Variants in CLSTN2 observed in about 807,000 individuals in gnomAD.
The protein encoded by CLSTN2 is calsyntenin 2.
A neutral mutation model predicts 101.2 loss-of-function variants in CLSTN2; 48 were observed. The observed-to-expected ratio is 0.47, with a 90% CI of 0.38 to 0.60. The LOEUF (loss-of-function observed/expected upper bound fraction) is 0.60. Ranked by LOEUF, CLSTN2 falls within the 20% of genes least tolerant of loss-of-function variation. CLSTN2 has a pLI of 0.00. For synonymous variants in CLSTN2, 481 were observed against 463.6 expected (o/e 1.04, Z -0.48); for missense variants, 1,160 against 1,238.2 (o/e 0.94, Z 0.95).
intron 8 of CLSTN2, among the ~76,000 whole-genome samples, chr3:140,500,968 A>G (rs995296654): frequency 6.6e-6 from 1 of 152,196 alleles, no homozygotes; most frequent in African/African-American, 2.4e-5. Context: ...AATAATTTAA[A>G]TCATTATGAT....
At chr3:140,344,296 G>T (rs747303792) in intron 2 of CLSTN2, among the ~76,000 whole-genome samples, 32 of 152,146 alleles carry the variant, frequency 2.1e-4, no homozygotes, top group Non-Finnish European at 1.9e-4. Context: ...ATGCTGTCAT[G>T]GCAAAATGGA....
chr3:139,969,633 A>G (rs913089298), intron 1 of CLSTN2, among the ~76,000 whole-genome samples: 1 of 151,964 alleles, frequency 6.6e-6, no homozygotes, highest in African/African-American at 2.4e-5. Context: ...CAAAACACCA[A>G]CCCAACTGCG....
At chr3:140,135,117 C>CACACACATATATATATATAT (rs1488268767) in intron 1 of CLSTN2, among the ~76,000 whole-genome samples, 2 of 58,120 alleles carry the variant, frequency 3.4e-5, no homozygotes, top group Admixed American at 2.0e-4. Context: ...CACACACACA[C>CACACACATATATATATATAT]ATATATATAT....
intron 1 of CLSTN2, among the ~76,000 whole-genome samples, chr3:140,171,826 A>G (rs1341229642): frequency 1.1e-5 from 1 of 92,274 alleles, no homozygotes. Flanking sequence ...TATATTATAT[A>G]TAATAACAAT....
intron 1 of CLSTN2, among the ~76,000 whole-genome samples, chr3:139,955,137 T>TATATATATATATATATATATATATAC (rs1231560755): frequency 7.2e-6 from 1 of 139,236 alleles, no homozygotes; most frequent in African/African-American, 2.7e-5. Flanking sequence ...TATATATATA[T>TATATATATATATATATATATATATAC]ATGGCAATTC....
At chr3:140,420,976 A>G in intron 4 of CLSTN2, 149 bp from the exon 5 acceptor site, 1 of 835,752 alleles carries the variant, frequency 1.2e-6, no homozygotes, top group Non-Finnish European at 1.8e-6. Context: ...AAGTGGAGCC[A>G]TGCTCCTGTT....
intron 1 of CLSTN2, among the ~76,000 whole-genome samples, chr3:140,050,642 T>A (rs1250155262): frequency 6.6e-6 from 1 of 152,192 alleles, no homozygotes; most frequent in African/African-American, 2.4e-5. Context: ...ACAAATACTC[T>A]AACCTTTTGT....
At chr3:140,108,416 C>A (rs2009098250) in intron 1 of CLSTN2, among the ~76,000 whole-genome samples, 1 of 152,200 alleles carries the variant, frequency 6.6e-6, no homozygotes, top group Admixed American at 6.5e-5. Flanking sequence ...ACCTGGGAAG[C>A]CTGCCACAGT....
rs144142267 is a variant in CLSTN2 at position 140,322,254 on chromosome 3, A to G, written c.233-81375A>G. Among the ~76,000 whole-genome samples, 17 of 152,372 alleles carry G rather than the reference A, an allele frequency of 1.1e-4. No individual in the cohort carries two copies. The East Asian group carries it at 1.7e-3, about 16-fold the overall frequency. ...ATCTGGCAGCAACGGACCAACCTGA[A>G]CACTGAGATGGAAACCAACACAGAG... On this transcript the variant is annotated intron_variant, in intron 2 of 16. Transcript: ENST00000458420.
intron 2 of CLSTN2, among the ~76,000 whole-genome samples, chr3:140,196,598 C>T (rs963534890): frequency 6.6e-5 from 10 of 152,240 alleles, no homozygotes; most frequent in East Asian, 5.8e-4. Flanking sequence ...TTGCTGGCTC[C>T]GAAGATGCAT....
At chr3:140,171,266 C>G (rs1236250457) in intron 1 of CLSTN2, among the ~76,000 whole-genome samples, 2 of 152,118 alleles carry the variant, frequency 1.3e-5, no homozygotes, top group Admixed American at 6.6e-5. Context: ...CAATTCACAC[C>G]TGCAGTGGCC....
At chr3:140,378,735 C>A (rs574033852) in intron 2 of CLSTN2, among the ~76,000 whole-genome samples, 1 of 152,148 alleles carries the variant, frequency 6.6e-6, no homozygotes, top group African/African-American at 2.4e-5. Context: ...GGGTGACTTA[C>A]GGGCTGTGTG....
chr3:140,028,213 T>G (rs1560073749), intron 1 of CLSTN2, among the ~76,000 whole-genome samples: 1 of 152,158 alleles, frequency 6.6e-6, no homozygotes, highest in Non-Finnish European at 1.5e-5. Context: ...TCGTGTTTCT[T>G]AAGTAGAAGC....
chr3:140,512,579 G>A (rs541740653), intron 8 of CLSTN2, among the ~76,000 whole-genome samples: 1 of 152,062 alleles, frequency 6.6e-6, no homozygotes, highest in East Asian at 1.9e-4. Flanking sequence ...TTTTTCTTAG[G>A]ATTACCTTGG....
At chr3:140,034,524 G>A (rs1282364166) in intron 1 of CLSTN2, among the ~76,000 whole-genome samples, 1 of 152,192 alleles carries the variant, frequency 6.6e-6, no homozygotes, top group African/African-American at 2.4e-5. Flanking sequence ...CTGCCATTAA[G>A]CATTCCACAT....
intron 1 of CLSTN2, among the ~76,000 whole-genome samples, chr3:140,109,176 C>T (rs1217321372): frequency 2.6e-5 from 4 of 151,978 alleles, no homozygotes; most frequent in African/African-American, 9.7e-5. Context: ...ATTTTTTTTC[C>T]TTGCCCCAAT....
intron 1 of CLSTN2, among the ~76,000 whole-genome samples, chr3:140,117,536 G>T (rs2009265924): frequency 6.6e-6 from 1 of 152,218 alleles, no homozygotes. Context: ...AGCCCTCATG[G>T]AAGGGAGCTA....
intron 2 of CLSTN2, among the ~76,000 whole-genome samples, chr3:140,389,236 CACCCAGGTATTAA>C (rs1387837069): frequency 1.3e-5 from 2 of 152,196 alleles, no homozygotes; most frequent in African/African-American, 4.8e-5. Flanking sequence ...ATCAACCTAT[CACCCAGGTATTAA>C]GCCCCACATG....
chr3:140,396,972 T>C (rs2088189949), intron 2 of CLSTN2, among the ~76,000 whole-genome samples: 1 of 152,206 alleles, frequency 6.6e-6, no homozygotes, highest in Non-Finnish European at 1.5e-5. Context: ...TCAAGAGTTT[T>C]TCTTTATGTG....
Sources: allele counts gnomAD v4.1 joint callset (sites outside exome capture counted in the v4.1 genomes callset), GRCh38; gene constraint gnomAD v4.1.1; transcripts MANE v1.5; gene names NCBI Gene and HGNC (gene_info 2026-07-23, HGNC 2026-07-21).